Variants in XKR4 observed in about 807,000 individuals in gnomAD.
XKR4 encodes the protein XK-related protein 4.
XKR4 carries 12 observed loss-of-function variants against 53.9 expected under a neutral mutation model. That is an observed-to-expected ratio of 0.22 (90% CI 0.14 to 0.36). The LOEUF (loss-of-function observed/expected upper bound fraction) is 0.36, where lower values mean the gene tolerates loss of function less well. Ranked by LOEUF, XKR4 falls within the 10% of genes least tolerant of loss-of-function variation. The pLI, the probability that XKR4 is intolerant of heterozygous loss-of-function variation, is 1.00. For missense variants in XKR4, 799 were observed against 859.5 expected (o/e 0.93, Z 0.88); for synonymous variants, 354 against 362.4 (o/e 0.98, Z 0.26).
intron 2 of XKR4, among the ~76,000 whole-genome samples, chr8:55,490,408 A>G (rs1806254419): frequency 6.6e-6 from 1 of 152,140 alleles, no homozygotes; most frequent in Non-Finnish European, 1.5e-5. Context: ...TAATACTACT[A>G]GGGGAGAGAG....
intron 1 of XKR4, among the ~76,000 whole-genome samples, chr8:55,259,530 A>G (rs758806504): frequency 1.1e-4 from 17 of 152,082 alleles, no homozygotes; most frequent in Non-Finnish European, 2.2e-4. Flanking sequence ...CTGACTCCAG[A>G]GCCCACACTC....
intron 2 of XKR4, among the ~76,000 whole-genome samples, chr8:55,415,503 G>T (rs1383675938): frequency 6.6e-6 from 1 of 152,122 alleles, no homozygotes; most frequent in Non-Finnish European, 1.5e-5. Context: ...CGTTTATTGA[G>T]CTCCTGTTGT....
intron 1 of XKR4, among the ~76,000 whole-genome samples, chr8:55,196,564 A>G (rs1817510133): frequency 6.6e-6 from 1 of 152,206 alleles, no homozygotes; most frequent in Non-Finnish European, 1.5e-5. Flanking sequence ...ATTATTATCT[A>G]ACAAACTAAG....
At chr8:55,327,557 C>T (rs1259877285) in intron 1 of XKR4, among the ~76,000 whole-genome samples, 1 of 152,228 alleles carries the variant, frequency 6.6e-6, no homozygotes. Context: ...AAGCCTAATG[C>T]ATAATAATTC....
chr8:55,475,698 C>G (rs58967820), intron 2 of XKR4, among the ~76,000 whole-genome samples: 51,885 of 151,336 alleles, frequency 0.34, 10,834 homozygotes, highest in African/African-American at 0.6. Context: ...CCACCTCCCA[C>G]GTTCAAACAG....
chr8:55,187,516 G>A (rs1378867833), intron 1 of XKR4, among the ~76,000 whole-genome samples: 1 of 152,130 alleles, frequency 6.6e-6, no homozygotes, highest in Non-Finnish European at 1.5e-5. Flanking sequence ...GAGTCAAGTC[G>A]ACCAGTGTCC....
chr8:55,377,193 G>A (rs796765453), intron 2 of XKR4, among the ~76,000 whole-genome samples: 3 of 152,276 alleles, frequency 2.0e-5, no homozygotes, highest in African/African-American at 7.2e-5. Flanking sequence ...ACCCTTGCTG[G>A]AAATCTTGTC....
At chr8:55,311,829 C>CAAAAAAAAAAAAAAAAAAAAA (rs57826022) in intron 1 of XKR4, among the ~76,000 whole-genome samples, 4 of 98,606 alleles carry the variant, frequency 4.1e-5, no homozygotes, top group African/African-American at 1.5e-4. Context: ...TGTAATTTAG[C>CAAAAAAAAAAAAAAAAAAAAA]AAAAAAAAAA....
intron 2 of XKR4, among the ~76,000 whole-genome samples, chr8:55,419,533 G>C (rs1804895553): frequency 6.6e-6 from 1 of 152,172 alleles, no homozygotes; most frequent in African/African-American, 2.4e-5. Context: ...TACTGAAATT[G>C]TATTCAAATA....
intron 1 of XKR4, among the ~76,000 whole-genome samples, chr8:55,127,560 TAA>T (rs1468533713): frequency 8.8e-6 from 1 of 113,890 alleles, no homozygotes; most frequent in Non-Finnish European, 2.0e-5. Flanking sequence ...GCCTGGTGCC[TAA>T]CTCTTTTTTT....
chr8:55,322,291 G>A (rs1192254228), intron 1 of XKR4, among the ~76,000 whole-genome samples: 3 of 152,140 alleles, frequency 2.0e-5, no homozygotes, highest in Non-Finnish European at 4.4e-5. Flanking sequence ...ATTTATAGCT[G>A]TAGTTTCTCT....
At chr8:55,119,394 T>C (rs1362017425) in intron 1 of XKR4, among the ~76,000 whole-genome samples, 3 of 152,150 alleles carry the variant, frequency 2.0e-5, no homozygotes, top group South Asian at 4.1e-4. Flanking sequence ...TAGGAGCTTT[T>C]AAGTGGGACT....
At chr8:55,425,755 G>A (rs1023103929) in intron 2 of XKR4, among the ~76,000 whole-genome samples, 2 of 152,068 alleles carry the variant, frequency 1.3e-5, no homozygotes, top group African/African-American at 4.8e-5. Flanking sequence ...TTCTCCATTT[G>A]CCTTGCCACT....
In XKR4 at chr8:55,538,930, A is replaced by G. The variant is rs1159639871; in HGVS notation, c.*14703A>G. On this transcript the variant is annotated 3_prime_UTR_variant, in exon 3 of 3. Transcript: ENST00000327381. ...TCCTGAATTGATTCATTTTCACGTT[A>G]TAACTACATTTCAAATATTTCGGAG... 1 of 152,228 alleles carries G rather than the reference A, an allele frequency of 6.6e-6. No individual in the cohort carries two copies. Among genetic ancestry groups the G allele is most frequent in the Non-Finnish European group, 1.5e-5 (1 of 68,034 alleles). The allele number at this position is 152,228 out of a possible 1,614,324, so 9.4% of individuals were successfully genotyped here. A position where few individuals can be genotyped will look rare whatever the true frequency, so the allele number is the denominator to read the frequency against.
chr8:55,474,179 G>A (rs1210928627), intron 2 of XKR4, among the ~76,000 whole-genome samples: 1 of 152,132 alleles, frequency 6.6e-6, no homozygotes, highest in African/African-American at 2.4e-5. Context: ...CAACACACTG[G>A]GATTACAGGC....
chr8:55,323,388 G>GT (rs1205869074), intron 1 of XKR4, among the ~76,000 whole-genome samples: 2 of 152,176 alleles, frequency 1.3e-5, no homozygotes, highest in Admixed American at 1.3e-4. Context: ...TCACTGACCT[G>GT]TTTTTTTCTC....
intron 1 of XKR4, among the ~76,000 whole-genome samples, chr8:55,287,865 T>C (rs1818929677): frequency 6.6e-6 from 1 of 152,226 alleles, no homozygotes; most frequent in Admixed American, 6.5e-5. Context: ...CCTTGAGTGC[T>C]GCCTACCCTA....
At chr8:55,289,880 GAAAGAAAGAAAGAAAGAAAGAAAGAAAC>G (rs1180690692) in intron 1 of XKR4, among the ~76,000 whole-genome samples, 1 of 29,282 alleles carries the variant, frequency 3.4e-5, no homozygotes, top group African/African-American at 5.9e-5. Flanking sequence ...AAGAAAGAAA[GAAAGAAAGAAAGAAAGAAAGAAAGAAAC>G]TGCCAAATTA....
At chr8:55,272,382 G>A (rs531099485) in intron 1 of XKR4, among the ~76,000 whole-genome samples, 19 of 152,282 alleles carry the variant, frequency 1.2e-4, no homozygotes, top group East Asian at 7.7e-4. Context: ...TAAAGCCACC[G>A]TGTCATGAGA....
Sources: allele counts gnomAD v4.1 joint callset (sites outside exome capture counted in the v4.1 genomes callset), GRCh38; gene constraint gnomAD v4.1.1; transcripts MANE v1.5; gene names NCBI Gene and HGNC (gene_info 2026-07-23, HGNC 2026-07-21).